Variants in PTPRG observed in about 807,000 individuals in gnomAD.
PTPRG encodes receptor-type tyrosine-protein phosphatase gamma.
A neutral mutation model predicts 165.3 loss-of-function variants in PTPRG; 102 were observed. That is an observed-to-expected ratio of 0.62 (90% CI 0.53 to 0.73). The LOEUF (loss-of-function observed/expected upper bound fraction) is 0.73, where lower values mean the gene tolerates loss of function less well. PTPRG is among the 30% of genes least tolerant of loss of function. The pLI is 0.00. For synonymous variants in PTPRG, 675 were observed against 669.5 expected (o/e 1.01, Z -0.13); for missense variants, 1,866 against 1,861.4 (o/e 1.00, Z -0.05).
chr3:61,801,353 G>A (rs2107171301), intron 2 of PTPRG, among the ~76,000 whole-genome samples: 1 of 150,690 alleles, frequency 6.6e-6, no homozygotes, highest in East Asian at 2.0e-4. Flanking sequence ...CTGTCACCCA[G>A]GCTGGAGAGC....
At chr3:61,701,574 C>A (rs2030962204) in intron 1 of PTPRG, among the ~76,000 whole-genome samples, 1 of 152,144 alleles carries the variant, frequency 6.6e-6, no homozygotes, top group African/African-American at 2.4e-5. Context: ...AGAAACATTT[C>A]TAACAATTGT....
At chr3:61,951,129 G>A (rs4688275) in intron 2 of PTPRG, among the ~76,000 whole-genome samples, 48,962 of 152,134 alleles carry the variant, frequency 0.32, 8,872 homozygotes, top group East Asian at 0.52. Flanking sequence ...GATAATGCAT[G>A]CCTATACAGA....
At chr3:62,013,740 GATTT>G (rs2041480198) in intron 4 of PTPRG, among the ~76,000 whole-genome samples, 1 of 150,666 alleles carries the variant, frequency 6.6e-6, no homozygotes, top group African/African-American at 2.4e-5. Context: ...ATTGGAATCT[GATTT>G]ATTTATTGAA....
chr3:61,833,546 CAA>C (rs1194349358), intron 2 of PTPRG, among the ~76,000 whole-genome samples: 4 of 152,060 alleles, frequency 2.6e-5, no homozygotes, highest in Admixed American at 6.6e-5. Context: ...CTCATTCCGG[CAA>C]AGTGTTTTCC....
rs976212714 is a variant in PTPRG, at chr3:61,619,632, A to G, written c.85+57260A>G. Among the ~76,000 whole-genome samples, 7 of 152,214 alleles carry G rather than the reference A, an allele frequency of 4.6e-5. No individual in the cohort carries two copies. The South Asian group carries it at 6.2e-4, about 14-fold the overall frequency. On this transcript the variant is annotated intron_variant, in intron 1 of 29. Transcript: ENST00000474889. ...CTGCAAAAATGGGCTTGGGTTCAACATGGGCTTCCTATATTTTATCTTCCC... is the reference window on the plus strand; with the variant it reads ...CTGCAAAAATGGGCTTGGGTTCAACGTGGGCTTCCTATATTTTATCTTCCC...
At chr3:61,681,584 G>T (rs1488752944) in intron 1 of PTPRG, among the ~76,000 whole-genome samples, 1 of 151,862 alleles carries the variant, frequency 6.6e-6, no homozygotes, top group Non-Finnish European at 1.5e-5. Context: ...CCCAATATAT[G>T]CTTCATTCTC....
At chr3:61,810,981 A>G (rs1216367319) in intron 2 of PTPRG, among the ~76,000 whole-genome samples, 2 of 152,178 alleles carry the variant, frequency 1.3e-5, no homozygotes, top group Non-Finnish European at 2.9e-5. Context: ...GGCTGTCACC[A>G]GGAGGGCAGG....
chr3:61,721,923 A>G (rs906933230), intron 1 of PTPRG, among the ~76,000 whole-genome samples: 1 of 152,190 alleles, frequency 6.6e-6, no homozygotes. Flanking sequence ...TCTGTGGATC[A>G]GATTTAGCTT....
In PTPRG at chr3:62,131,898, A is replaced by G. The variant is rs761333270; in HGVS notation, c.616-704A>G. Among the ~76,000 whole-genome samples the G allele has an allele frequency of 6.6e-5, 10 of 152,360 alleles. No homozygotes were observed. The South Asian group carries it at 2.1e-3, about 32-fold the overall frequency. ...GTATGTCTAAAAGAAAATACTTGAA[A>G]GCCAAAATTGTAATATGCTGCTAGA... On this transcript the variant is annotated intron_variant, in intron 5 of 29. Transcript: ENST00000474889.
chr3:62,141,474 C>G (rs759828655), intron 6 of PTPRG, among the ~76,000 whole-genome samples: 5 of 152,140 alleles, frequency 3.3e-5, no homozygotes, highest in Admixed American at 6.5e-5. Context: ...TGGCACCCAC[C>G]TGTAGTCCCA....
intron 5 of PTPRG, among the ~76,000 whole-genome samples, chr3:62,109,094 A>G (rs971545502): frequency 1.3e-5 from 2 of 152,010 alleles, no homozygotes. Flanking sequence ...ATTGCTTTTG[A>G]TGTTTTAGAC....
At chr3:61,600,903 C>A (rs1415428135) in intron 1 of PTPRG, among the ~76,000 whole-genome samples, 1 of 152,156 alleles carries the variant, frequency 6.6e-6, no homozygotes, top group Non-Finnish European at 1.5e-5. Flanking sequence ...AGAAGTGGAA[C>A]CTGTTTTGCA....
Position 62,276,969 on chromosome 3 carries a change from T to C in PTPRG, c.3560-3T>C. The C allele has an allele frequency of 6.2e-7, 1 of 1,612,580 alleles. No homozygotes were observed. The highest frequency in any genetic ancestry group is 1.1e-5 in the South Asian group (1 of 90,960). On this transcript the variant is annotated splice_region_variant and splice_polypyrimidine_tract_variant and intron_variant, in intron 24 of 29. Transcript: ENST00000474889. Reference sequence around the variant, plus strand: ...TGGTGTTTTTGTTTTTTCCATATGATAGCTGAGCGTGCTCGAGTGGGTCTT... The same window carrying C: ...TGGTGTTTTTGTTTTTTCCATATGACAGCTGAGCGTGCTCGAGTGGGTCTT...
chr3:61,716,242 C>T (rs2031802405), intron 1 of PTPRG, among the ~76,000 whole-genome samples: 1 of 152,194 alleles, frequency 6.6e-6, no homozygotes, highest in Non-Finnish European at 1.5e-5. Flanking sequence ...GTTTCTTCCT[C>T]TGAAGTGCTA....
At chr3:61,586,353 G>A (rs1025433162) in intron 1 of PTPRG, among the ~76,000 whole-genome samples, 1 of 152,312 alleles carries the variant, frequency 6.6e-6, no homozygotes, top group Admixed American at 6.5e-5. Flanking sequence ...GACCCAATTA[G>A]CAGGTCATTT....
chr3:61,681,530 T>C (rs996956233), intron 1 of PTPRG, among the ~76,000 whole-genome samples: 1 of 152,180 alleles, frequency 6.6e-6, no homozygotes, highest in Non-Finnish European at 1.5e-5. Flanking sequence ...GGAAGCATTG[T>C]CATACAGAGA....
At chr3:62,129,022 C>G (rs1576038673) in intron 5 of PTPRG, among the ~76,000 whole-genome samples, 1 of 152,080 alleles carries the variant, frequency 6.6e-6, no homozygotes, top group Non-Finnish European at 1.5e-5. Flanking sequence ...CCAATAATCT[C>G]CATTTTCTCT....
chr3:62,128,414 A>G (rs1379645951), intron 5 of PTPRG, among the ~76,000 whole-genome samples: 1 of 152,158 alleles, frequency 6.6e-6, no homozygotes, highest in Admixed American at 6.5e-5. Context: ...AGTAAAACAT[A>G]AATTTGGATC....
rs1700550057 is a variant in PTPRG at position 62,217,888 on chromosome 3, A to G, written c.2156-963A>G. 6.6e-6 allele frequency: 1 copy of G among 152,556 alleles called. No homozygotes were observed. Among genetic ancestry groups the G allele is most frequent in the Non-Finnish European group, 1.5e-5 (1 of 68,248 alleles). 9.5% of individuals were successfully genotyped at this position (152,556 alleles called of 1,614,324 possible). ...CTGCCTGGTTAACAGGTATTGGCCG[A>G]CCAGAGAGAATCCTAAACTATTTGG... is the stretch of plus-strand genomic sequence containing the variant. On this transcript the variant is annotated intron_variant, in intron 12 of 29. Coordinates refer to ENST00000474889, the MANE Select transcript of PTPRG (RefSeq NM_002841.4). The surrounding 1 kb of genome is among the most constrained non-coding windows in gnomAD (Gnocchi z 4.3).
Sources: allele counts gnomAD v4.1 joint callset (sites outside exome capture counted in the v4.1 genomes callset), GRCh38; gene constraint gnomAD v4.1.1; non-coding constraint Gnocchi (gnomAD v3.1); transcripts MANE v1.5; gene names NCBI Gene and HGNC (gene_info 2026-07-23, HGNC 2026-07-21).